The following DGKB variants were observed in gnomAD, a reference collection of about 807,000 sequenced individuals.
DGKB encodes the protein diacylglycerol kinase beta.
DGKB carries 67 observed loss-of-function variants against 114.3 expected under a neutral mutation model. The observed-to-expected ratio is 0.59, with a 90% CI of 0.48 to 0.72. DGKB has a LOEUF of 0.72. Ranked by LOEUF, DGKB falls within the 30% of genes least tolerant of loss-of-function variation. The pLI is 0.00. For synonymous variants in DGKB, 398 were observed against 323.1 expected (o/e 1.23, Z -2.49); for missense variants, 907 against 975.2 (o/e 0.93, Z 0.93).
intron 23 of DGKB, among the ~76,000 whole-genome samples, chr7:14,193,371 T>C (rs1784582623): frequency 6.6e-6 from 1 of 152,050 alleles, no homozygotes; most frequent in Non-Finnish European, 1.5e-5. Flanking sequence ...TAGAATAGAA[T>C]GGAGAGACCA....
intron 1 of DGKB, among the ~76,000 whole-genome samples, chr7:14,931,471 G>A (rs1185111064): frequency 1.3e-5 from 2 of 152,156 alleles, no homozygotes; most frequent in African/African-American, 2.4e-5. Context: ...GGTTTGTAGG[G>A]TTTTATTTTT....
rs1554404750 is a variant in DGKB, at chr7:14,392,995, G to GTTTTTTTGTTTTTTTTTTTTTTTT, written c.1836-47605_1836-47604insAAAAAAAAAAAAAAAACAAAAAAA. On this transcript the variant is annotated intron_variant, in intron 21 of 25. Transcript: ENST00000402815. The stretch of plus-strand genomic sequence containing the variant: ...CAAAACAGACCTGTTTTTTGTTTTT[G>GTTTTTTTGTTTTTTTTTTTTTTTT]TTTTTTTTTTTTTGAGACGGAGTCT... Among the ~76,000 whole-genome samples, 580 of 60,546 alleles carry GTTTTTTTGTTTTTTTTTTTTTTTT rather than the reference G, an allele frequency of 9.6e-3. 19 individuals are homozygous for GTTTTTTTGTTTTTTTTTTTTTTTT. The highest frequency in any genetic ancestry group is 0.022 in the South Asian group (27 of 1,210). The allele number at this position is 60,546 out of a possible 152,430, so 39.7% of individuals were successfully genotyped here.
chr7:14,879,378 T>C (rs555659418), intron 1 of DGKB, among the ~76,000 whole-genome samples: 2 of 149,674 alleles, frequency 1.3e-5, no homozygotes, highest in East Asian at 3.9e-4. Flanking sequence ...TGAACGACTG[T>C]TTCTATCACT....
At chr7:14,561,641 G>A (rs1323271207) in intron 20 of DGKB, among the ~76,000 whole-genome samples, 1 of 152,194 alleles carries the variant, frequency 6.6e-6, no homozygotes, top group African/African-American at 2.4e-5. Flanking sequence ...TGGAGCAATG[G>A]TAACTCTTGC....
At chr7:14,333,180 C>A (rs1274483172) in intron 23 of DGKB, among the ~76,000 whole-genome samples, 1 of 151,938 alleles carries the variant, frequency 6.6e-6, no homozygotes, top group South Asian at 2.1e-4. Flanking sequence ...AGTGAGAGGC[C>A]GGGGGCAGTG....
rs1828683013 is a variant in DGKB at position 14,718,891 on chromosome 7, G to C, written c.323-206C>G. 3 of 484,272 alleles carry C rather than the reference G, an allele frequency of 6.2e-6. No homozygotes were observed. In the South Asian group the frequency reaches 9.6e-5, roughly 16 times the overall value. The allele number at this position is 484,272 out of a possible 1,614,324, so 30.0% of individuals were successfully genotyped here. ...GAAGGAGAGTTCTTTGGGATCCACA[G>C]ACATGGCACTGCCCTATCAGCCACG... On this transcript the variant is annotated intron_variant, in intron 5 of 25. Transcript: ENST00000402815.
chr7:14,718,775 A>G, intron 5 of DGKB, 90 bp from the exon 6 acceptor site: 1 of 960,582 alleles, frequency 1.0e-6, no homozygotes, highest in Non-Finnish European at 1.5e-6. Context: ...CACACAGGCT[A>G]CATAGAAATT....
At chr7:14,934,020 T>C (rs1327293342) in intron 1 of DGKB, among the ~76,000 whole-genome samples, 1 of 152,180 alleles carries the variant, frequency 6.6e-6, no homozygotes, top group Non-Finnish European at 1.5e-5. Flanking sequence ...GAAAAATTTT[T>C]TCCATAGCAT....
At chr7:14,376,691 C>A (rs1462133415) in intron 21 of DGKB, among the ~76,000 whole-genome samples, 2 of 152,246 alleles carry the variant, frequency 1.3e-5, no homozygotes, top group African/African-American at 4.8e-5. Flanking sequence ...CCCCCCAGCC[C>A]CTTCAGTAGC....
intron 1 of DGKB, among the ~76,000 whole-genome samples, chr7:14,918,365 A>G (rs998419092): frequency 1.3e-5 from 2 of 152,166 alleles, no homozygotes; most frequent in Admixed American, 6.5e-5. Flanking sequence ...AATGAAACAA[A>G]CAAAGGAAAA....
At chr7:14,690,278 G>A (rs111446836) in intron 9 of DGKB, among the ~76,000 whole-genome samples, 266 of 152,208 alleles carry the variant, frequency 1.7e-3, no homozygotes, top group African/African-American at 6.1e-3. Flanking sequence ...CTAACTTCTC[G>A]TTTTTCCGGA....
upstream of DGKB, among the ~76,000 whole-genome samples, chr7:14,906,212 C>T (rs73287463): frequency 6.6e-6 from 1 of 151,462 alleles, no homozygotes; most frequent in African/African-American, 2.4e-5. Flanking sequence ...TGGACTAGAG[C>T]CTTAAAAAAA....
At chr7:14,411,451 A>G (rs1235677756) in intron 21 of DGKB, among the ~76,000 whole-genome samples, 1 of 152,192 alleles carries the variant, frequency 6.6e-6, no homozygotes, top group African/African-American at 2.4e-5. Flanking sequence ...AAATTAATAT[A>G]AAATCTCTGG....
chr7:14,364,893 T>C (rs1193469307), intron 21 of DGKB, among the ~76,000 whole-genome samples: 1 of 151,968 alleles, frequency 6.6e-6, no homozygotes, highest in East Asian at 1.9e-4. Flanking sequence ...CAGAATTTTC[T>C]AAGGAAATGC....
chr7:14,358,898 T>C (rs1036219005), intron 21 of DGKB, among the ~76,000 whole-genome samples: 2 of 151,952 alleles, frequency 1.3e-5, no homozygotes, highest in African/African-American at 4.8e-5. Context: ...TTCAATGCCA[T>C]CCCCATCAAG....
chr7:14,798,824 A>G (rs771944112), intron 2 of DGKB, among the ~76,000 whole-genome samples: 1 of 152,238 alleles, frequency 6.6e-6, no homozygotes, highest in Non-Finnish European at 1.5e-5. Context: ...TGTAACAGAT[A>G]TAGTCAGCAG....
intron 21 of DGKB, among the ~76,000 whole-genome samples, chr7:14,431,150 T>C (rs1461051457): frequency 6.6e-6 from 1 of 152,136 alleles, no homozygotes; most frequent in Non-Finnish European, 1.5e-5. Context: ...TTGTTATGTG[T>C]GTAAGCCTTC....
chr7:14,902,439 C>G (rs993493482), intron 1 of DGKB, among the ~76,000 whole-genome samples, 153 bp downstream of exon 1: 1 of 152,150 alleles, frequency 6.6e-6, no homozygotes, highest in Admixed American at 6.5e-5. Context: ...ATAACTAGGA[C>G]AGGAGTCAGG....
At chr7:14,619,366 C>A (rs947009203) in intron 15 of DGKB, among the ~76,000 whole-genome samples, 1 of 151,148 alleles carries the variant, frequency 6.6e-6, no homozygotes, top group South Asian at 2.1e-4. Context: ...GTAATAAGGT[C>A]GAATATTTCA....
Sources: allele counts gnomAD v4.1 joint callset (sites outside exome capture counted in the v4.1 genomes callset), GRCh38; gene constraint gnomAD v4.1.1; transcripts MANE v1.5; gene names NCBI Gene and HGNC (gene_info 2026-07-23, HGNC 2026-07-21).